The following ARFGEF1 variants were observed in gnomAD, a reference collection of about 807,000 sequenced individuals.
The protein encoded by ARFGEF1 is ARF guanine nucleotide exchange factor 1.
In ARFGEF1, 42 loss-of-function variants were observed where a neutral mutation model predicts 231.0. The observed-to-expected ratio is 0.18, with a 90% CI of 0.14 to 0.24. The LOEUF (loss-of-function observed/expected upper bound fraction) is 0.24, where lower values mean the gene tolerates loss of function less well. Among genes scored for constraint, ARFGEF1 ranks in the 10% least tolerant of loss-of-function variants. The pLI is 1.00. For missense variants in ARFGEF1, 1,345 were observed against 2,192.0 expected (o/e 0.61, Z 7.72); for synonymous variants, 710 against 732.3 (o/e 0.97, Z 0.49).
At chr8:67,330,751 G>A (rs1808062349) in intron 1 of ARFGEF1, among the ~76,000 whole-genome samples, 1 of 152,100 alleles carries the variant, frequency 6.6e-6, no homozygotes, top group Non-Finnish European at 1.5e-5. Flanking sequence ...AAAGATCAAA[G>A]CACATCAGAA....
At chr8:67,312,318 G>A (rs1807111444) in intron 1 of ARFGEF1, among the ~76,000 whole-genome samples, 1 of 151,524 alleles carries the variant, frequency 6.6e-6, no homozygotes, top group African/African-American at 2.4e-5. Flanking sequence ...TTGAAAGCAG[G>A]TAGAAAGAAA....
At chr8:67,200,061 T>C (rs1838271914) in intron 38 of ARFGEF1, 1 of 366,572 alleles carries the variant, frequency 2.7e-6, no homozygotes, top group South Asian at 2.0e-5. Context: ...TACAAGGCCA[T>C]GAGGTGGTTG....
intron 7 of ARFGEF1, among the ~76,000 whole-genome samples, chr8:67,284,637 CG>C (rs1368627336): frequency 6.6e-6 from 1 of 151,884 alleles, no homozygotes; most frequent in East Asian, 1.9e-4. Flanking sequence ...ATGTAGGAAA[CG>C]GAAGATACAA....
At chr8:67,299,038 C>T (rs1197007157) in intron 4 of ARFGEF1, among the ~76,000 whole-genome samples, 171 bp downstream of exon 4, 1 of 152,174 alleles carries the variant, frequency 6.6e-6, no homozygotes, top group East Asian at 1.9e-4. Flanking sequence ...CCCAACTTGG[C>T]CTCCCAAAGT....
At position 67,243,183 on chromosome 8, in the gene ARFGEF1, G is replaced by A. The variant is rs1839983929; in HGVS notation, c.2851-2893C>T. On this transcript the variant is annotated intron_variant, in intron 19 of 38. Coordinates refer to ENST00000262215, the MANE Select transcript of ARFGEF1 (RefSeq NM_006421.5). ...CTACAGAGTCTGCAAGTAACCCACC[G>A]TTACTGGACTTGGGGTGTCCCCTAA... is the stretch of plus-strand genomic sequence containing the variant. Among the ~76,000 whole-genome samples, 4 of 152,228 alleles carry A rather than the reference G, an allele frequency of 2.6e-5. No homozygotes were observed. The South Asian group carries it at 8.3e-4, about 32-fold the overall frequency.
At chr8:67,300,969 A>G (rs541089353) in intron 3 of ARFGEF1, among the ~76,000 whole-genome samples, 1 of 152,338 alleles carries the variant, frequency 6.6e-6, no homozygotes, top group African/African-American at 2.4e-5. Flanking sequence ...GAAGAGACCA[A>G]ATCAACACTT....
intron 1 of ARFGEF1, among the ~76,000 whole-genome samples, chr8:67,331,494 T>C (rs1189848453): frequency 6.6e-6 from 1 of 152,190 alleles, no homozygotes. Flanking sequence ...ATGGAATCTG[T>C]CAGCACCTTG....
chr8:67,306,968 G>A (rs977690170), intron 1 of ARFGEF1, among the ~76,000 whole-genome samples: 4 of 152,276 alleles, frequency 2.6e-5, no homozygotes, highest in African/African-American at 4.8e-5. Context: ...TAGTAGAGAC[G>A]AGGTTTCACC....
At position 67,267,460 on chromosome 8, in the gene ARFGEF1, C is replaced by A. The variant is rs535317928; in HGVS notation, c.1573-18G>T. On this transcript the variant is annotated intron_variant, in intron 10 of 38. Transcript: ENST00000262215. ...AAGAACACCTGTGATTAGGAGAAAA[C>A]TTCTGTTTAAAATATTGTTTAGAAT... The A allele has an allele frequency of 1.0e-5, 15 of 1,462,912 alleles. No individual in the cohort carries two copies. Among genetic ancestry groups the A allele is most frequent in the African/African-American group, 4.2e-5 (3 of 71,170 alleles). 90.6% of individuals were successfully genotyped at this position (1,462,912 alleles called of 1,614,324 possible).
intron 5 of ARFGEF1, among the ~76,000 whole-genome samples, chr8:67,180,848 G>A (rs1377837548): frequency 6.6e-6 from 1 of 151,784 alleles, no homozygotes; most frequent in African/African-American, 2.4e-5. Flanking sequence ...AAGGTACCAT[G>A]GGATCTTCTT....
intron 5 of ARFGEF1, among the ~76,000 whole-genome samples, chr8:67,183,646 A>G (rs1270498087): frequency 6.6e-6 from 1 of 152,178 alleles, no homozygotes; most frequent in Non-Finnish European, 1.5e-5. Context: ...AGGTAGCAGA[A>G]ATAATGCTTG....
At chr8:67,339,953 G>C (rs1808545925) in intron 1 of ARFGEF1, among the ~76,000 whole-genome samples, 1 of 151,662 alleles carries the variant, frequency 6.6e-6, no homozygotes, top group African/African-American at 2.4e-5. Context: ...TTTGAGAATG[G>C]ATTGTTTTAA....
At position 67,266,265 on chromosome 8, in the gene ARFGEF1, A is replaced by C. The variant is rs113238423; in HGVS notation, c.1922-58T>G. 1.3e-5 allele frequency: 18 copies of C among 1,407,734 alleles called. No individual in the cohort carries two copies. In the African/African-American group the frequency reaches 1.4e-4, roughly 11 times the overall value. The allele number at this position is 1,407,734 out of a possible 1,614,324, so 87.2% of individuals were successfully genotyped here. On this transcript the variant is annotated intron_variant, in intron 13 of 38. Coordinates refer to ENST00000262215, the MANE Select transcript of ARFGEF1 (RefSeq NM_006421.5). ...TCTATCAAAGAAAAAAAAAAGTGTA[A>C]GGGCAAACAAATTCTTGAATAAGGC...
intron 34 of ARFGEF1, chr8:67,207,058 T>C (rs1394744481): frequency 6.6e-6 from 1 of 152,234 alleles, no homozygotes; most frequent in Non-Finnish European, 1.5e-5. Flanking sequence ...TAGTTCTTAG[T>C]ACTAGATCAC....
intron 1 of ARFGEF1, among the ~76,000 whole-genome samples, chr8:67,339,805 G>GGGGGGGGGGGGGGGGTTT (rs79194289): frequency 1.1e-5 from 1 of 92,686 alleles, no homozygotes; most frequent in Non-Finnish European, 2.2e-5. Flanking sequence ...CGGGGGGGGG[G>GGGGGGGGGGGGGGGGTTT]ATTCTTTCTT....
Position 67,198,528 on chromosome 8 carries a change from CTCCCCAA to C in ARFGEF1, c.*399_*405del. The C allele has an allele frequency of 1.0e-6, 1 of 991,450 alleles. No individual in the cohort carries two copies. The highest frequency in any genetic ancestry group is 4.6e-5 in the South Asian group (1 of 21,626). The allele number at this position is 991,450 out of a possible 1,614,324, so 61.4% of individuals were successfully genotyped here. ...ACAATAATTTCTTCTTCTCTCCCCA[CTCCCCAA>C]TTATAAACATTTTATCCTTCAAAAT... On this transcript the variant is annotated 3_prime_UTR_variant, in exon 39 of 39. Coordinates refer to ENST00000262215, the MANE Select transcript of ARFGEF1 (RefSeq NM_006421.5).
chr8:67,233,777 C>T (rs1368310138), intron 22 of ARFGEF1, among the ~76,000 whole-genome samples: 6 of 151,998 alleles, frequency 3.9e-5, no homozygotes, highest in Non-Finnish European at 8.8e-5. Context: ...ACTCTTTACC[C>T]TAGCATTTAA....
intron 5 of ARFGEF1, among the ~76,000 whole-genome samples, chr8:67,181,047 G>A (rs1191401809): frequency 6.7e-6 from 1 of 149,760 alleles, no homozygotes; most frequent in Non-Finnish European, 1.5e-5. Flanking sequence ...TTTTGTTGTT[G>A]CTGTTTTTGA....
At chr8:67,314,684 G>A (rs369614410) in intron 1 of ARFGEF1, among the ~76,000 whole-genome samples, 2 of 152,086 alleles carry the variant, frequency 1.3e-5, no homozygotes, top group South Asian at 4.1e-4. Context: ...GAGGGTCTGT[G>A]GGTCCTCTCA....
Sources: gnomAD v4.1 joint callset for allele counts (sites outside exome capture counted in the v4.1 genomes callset) on GRCh38, gnomAD v4.1.1 for gene constraint, MANE v1.5 for transcripts, NCBI Gene and HGNC (gene_info 2026-07-23, HGNC 2026-07-21) for gene names.